NLGN1: variants seen among roughly 807,000 people sequenced by gnomAD.
NLGN1 encodes the protein neuroligin-1.
In NLGN1, 12 loss-of-function variants were observed where a neutral mutation model predicts 65.5. The ratio of observed to expected loss-of-function variants is 0.18; its 90% CI spans 0.12 to 0.30. The LOEUF (loss-of-function observed/expected upper bound fraction) is 0.30. NLGN1 is among the 10% of genes least tolerant of loss of function. NLGN1 has a pLI of 1.00. For synonymous variants in NLGN1, 350 were observed against 359.5 expected, an observed-to-expected ratio of 0.97 and a Z score of 0.30; for missense variants, 750 against 1,007.1, an observed-to-expected ratio of 0.74 and a Z score of 3.46.
At chr3:174,228,987 G>A (rs527796844) in intron 4 of NLGN1, among the ~76,000 whole-genome samples, 13 of 152,192 alleles carry the variant, frequency 8.5e-5, no homozygotes, top group African/African-American at 3.1e-4. Context: ...CATGTCAAGA[G>A]ATGCCACAGT....
intron 2 of NLGN1, among the ~76,000 whole-genome samples, chr3:173,518,323 T>A (rs1400734784): frequency 2.0e-5 from 3 of 151,912 alleles, no homozygotes; most frequent in Admixed American, 1.3e-4. Flanking sequence ...CATGCTTTGC[T>A]CATTATTTTT....
intron 4 of NLGN1, among the ~76,000 whole-genome samples, chr3:173,983,696 A>G (rs1719264238): frequency 6.6e-6 from 1 of 151,948 alleles, no homozygotes; most frequent in Non-Finnish European, 1.5e-5. Flanking sequence ...TTATTTTCCA[A>G]CTTTCTCATG....
intron 4 of NLGN1, among the ~76,000 whole-genome samples, chr3:173,839,996 A>G (rs1194751564): frequency 6.6e-6 from 1 of 152,220 alleles, no homozygotes; most frequent in African/African-American, 2.4e-5. Context: ...TTAAACCTAG[A>G]GACAACTTAA....
Position 173,720,897 on chromosome 3 carries a change from A to G in NLGN1, c.494-86783A>G, listed in dbSNP as rs753698400. Among the ~76,000 whole-genome samples the G allele has an allele frequency of 4.3e-4, 66 of 152,220 alleles. 1 individual carries two copies. The highest frequency in any genetic ancestry group is 2.5e-4 in the Non-Finnish European group (17 of 68,042). ...TGTAAAATTAATTTTTAAGGTATCT[A>G]CGTAGAGCTATGATGAGGAGAAGTA... On this transcript the variant is annotated intron_variant, in intron 3 of 6. Coordinates refer to ENST00000457714, the Ensembl canonical transcript of NLGN1.
intron 2 of NLGN1, among the ~76,000 whole-genome samples, chr3:173,578,319 G>T (rs1483958107): frequency 1.3e-5 from 2 of 151,802 alleles, no homozygotes; most frequent in Non-Finnish European, 2.9e-5. Context: ...AAATATTTTG[G>T]GACAGGTAGA....
chr3:173,967,102 T>C (rs1715054368), intron 4 of NLGN1, among the ~76,000 whole-genome samples: 1 of 152,152 alleles, frequency 6.6e-6, no homozygotes, highest in Non-Finnish European at 1.5e-5. Flanking sequence ...CTCACTGAAA[T>C]TCAGATTTAC....
At chr3:174,020,211 A>G (rs1239523005) in intron 4 of NLGN1, among the ~76,000 whole-genome samples, 1 of 152,150 alleles carries the variant, frequency 6.6e-6, no homozygotes. Context: ...TATAGTTTGC[A>G]ATTAACTTTA....
chr3:174,208,970 C>T (rs1259803690), intron 4 of NLGN1, among the ~76,000 whole-genome samples: 1 of 152,174 alleles, frequency 6.6e-6, no homozygotes, highest in Non-Finnish European at 1.5e-5. Context: ...GTTGCCCAGG[C>T]TGGAGTGTAG....
At chr3:173,676,739 C>T (rs1763222184) in intron 3 of NLGN1, among the ~76,000 whole-genome samples, 1 of 151,904 alleles carries the variant, frequency 6.6e-6, no homozygotes, top group Admixed American at 6.6e-5. Flanking sequence ...CCTAAACTTC[C>T]ACTGTACATC....
chr3:173,867,170 C>T (rs536537279), intron 4 of NLGN1, among the ~76,000 whole-genome samples: 185 of 152,174 alleles, frequency 1.2e-3, no homozygotes, highest in African/African-American at 3.9e-3. Flanking sequence ...AATGTAACCC[C>T]CTCCTAACCA....
intron 4 of NLGN1, among the ~76,000 whole-genome samples, chr3:174,014,299 A>C (rs1249542026): frequency 6.6e-6 from 1 of 152,194 alleles, no homozygotes; most frequent in Non-Finnish European, 1.5e-5. Flanking sequence ...CTTACACAAT[A>C]AACTCCAGAC....
At chr3:173,481,308 C>G (rs1306478658) in intron 2 of NLGN1, among the ~76,000 whole-genome samples, 1 of 151,842 alleles carries the variant, frequency 6.6e-6, no homozygotes, top group East Asian at 1.9e-4. Context: ...TATTTTCTGA[C>G]TAATATAAAA....
intron 3 of NLGN1, among the ~76,000 whole-genome samples, chr3:173,619,122 C>T (rs1389114309): frequency 6.6e-6 from 1 of 152,102 alleles, no homozygotes; most frequent in African/African-American, 2.4e-5. Flanking sequence ...GTTTTGCTGG[C>T]ATTTTCCCCA....
At chr3:173,940,281 G>T (rs1490431551) in intron 4 of NLGN1, among the ~76,000 whole-genome samples, 1 of 151,728 alleles carries the variant, frequency 6.6e-6, no homozygotes, top group African/African-American at 2.4e-5. Context: ...GAGAGGCAGG[G>T]TTTCTCCATG....
chr3:174,234,939 T>TTA lies in NLGN1; in HGVS notation c.647-40366_647-40365dup, dbSNP rs575697856. On this transcript the variant is annotated intron_variant, in intron 4 of 6. Transcript: ENST00000457714. ...TTTGATACTCCCTTTGATGCATTTT[T>TTA]TATATATATATCATCCTTCTGAGCT... is the stretch of plus-strand genomic sequence containing the variant. Among the ~76,000 whole-genome samples, 138 of 151,096 alleles carry TTA rather than the reference T, an allele frequency of 9.1e-4. 1 individual carries two copies. In the East Asian group the frequency reaches 0.019, roughly 20 times the overall value.
At chr3:173,803,647 C>CCTTTT (rs60731619) in intron 3 of NLGN1, among the ~76,000 whole-genome samples, 8,232 of 151,930 alleles carry the variant, frequency 0.054, 530 homozygotes, top group East Asian at 0.18. Context: ...CTATATAGTT[C>CCTTTT]AAGACAATTT....
chr3:174,289,263 T>C (rs1752461771), downstream of NLGN1, among the ~76,000 whole-genome samples: 1 of 151,468 alleles, frequency 6.6e-6, no homozygotes, highest in Non-Finnish European at 1.5e-5. Flanking sequence ...AAATATCTAC[T>C]AATACTTGTT....
At chr3:173,910,078 T>C (rs1023039729) in intron 4 of NLGN1, among the ~76,000 whole-genome samples, 1 of 152,216 alleles carries the variant, frequency 6.6e-6, no homozygotes, top group Admixed American at 6.5e-5. Flanking sequence ...CCTCAGACTT[T>C]ATTCCAGGCA....
Position 173,415,916 on chromosome 3 carries a change from G to T in NLGN1, c.-390+17429G>T, listed in dbSNP as rs1350647889. 4.0e-4 allele frequency among the ~76,000 whole-genome samples: 54 copies of T among 135,908 alleles called. 1 individual carries two copies. The highest frequency in any genetic ancestry group is 1.9e-3 in the African/African-American group (54 of 27,914). The allele number at this position is 135,908 out of a possible 152,430, so 89.2% of individuals were successfully genotyped here. ...ATATATATATATATAGAGAGAGAGA[G>T]AGGGAGAGAGAGAGAGAGAGAGAGA... On this transcript the variant is annotated intron_variant, in intron 1 of 6. Transcript: ENST00000457714.
Sources: gnomAD v4.1 joint callset for allele counts (sites outside exome capture counted in the v4.1 genomes callset) on GRCh38, gnomAD v4.1.1 for gene constraint, MANE v1.5 for transcripts, NCBI Gene and HGNC (gene_info 2026-07-23, HGNC 2026-07-21) for gene names.